Variants in TRIM33 observed in about 807,000 individuals in gnomAD.
The protein encoded by TRIM33 is tripartite motif containing 33.
In TRIM33, 20 loss-of-function variants were observed where a neutral mutation model predicts 125.4. The ratio of observed to expected loss-of-function variants is 0.16; its 90% confidence interval spans 0.11 to 0.23. The LOEUF is 0.23. TRIM33 is among the 10% of genes least tolerant of loss of function. The pLI is 1.00. For synonymous variants in TRIM33, 564 were observed against 513.9 expected (o/e 1.10, Z -1.32); for missense variants, 920 against 1,411.4 (o/e 0.65, Z 5.58).
At chr1:114,494,236 C>T (rs910529716) in intron 1 of TRIM33, among the ~76,000 whole-genome samples, 1 of 152,060 alleles carries the variant, frequency 6.6e-6, no homozygotes, top group Non-Finnish European at 1.5e-5. Context: ...GCTGGGATTA[C>T]AGGTATGAAC....
At chr1:114,496,155 C>T (rs1352121513) in intron 1 of TRIM33, among the ~76,000 whole-genome samples, 6 of 152,226 alleles carry the variant, frequency 3.9e-5, no homozygotes, top group East Asian at 1.9e-4. Context: ...ATCTGCCCTA[C>T]GGCAGACAAA....
At chr1:114,503,634 A>G (rs1570684687) in intron 1 of TRIM33, among the ~76,000 whole-genome samples, 1 of 152,344 alleles carries the variant, frequency 6.6e-6, no homozygotes, top group East Asian at 1.9e-4. Flanking sequence ...ACGTTCATTA[A>G]TATCACCACC....
chr1:114,461,133 G>C (rs1169452319), intron 4 of TRIM33, among the ~76,000 whole-genome samples: 1 of 151,150 alleles, frequency 6.6e-6, no homozygotes, highest in Non-Finnish European at 1.5e-5. Context: ...ACAGCCTCAG[G>C]CCAGGAGTTT....
chr1:114,463,621 A>G lies in TRIM33; in HGVS notation c.646-65T>C. 3.8e-6 allele frequency: 4 copies of G among 1,060,502 alleles called. No individual in the cohort carries two copies. In the South Asian group the frequency reaches 5.8e-5, roughly 15 times the overall value. 65.7% of individuals were successfully genotyped at this position (1,060,502 alleles called of 1,614,324 possible). On this transcript the variant is annotated intron_variant, in intron 2 of 19. Coordinates refer to ENST00000358465, the MANE Select transcript of TRIM33 (RefSeq NM_015906.4). ...AAAATCTAGATCTAAAAAAAAAAAA[A>G]AACTTGTTCTTCAATATACTATTTC...
At chr1:114,465,506 A>G (rs1650235094) in intron 1 of TRIM33, among the ~76,000 whole-genome samples, 1 of 152,210 alleles carries the variant, frequency 6.6e-6, no homozygotes, top group African/African-American at 2.4e-5. Flanking sequence ...GAAAACATAA[A>G]TAAAACTTAT....
chr1:114,414,240 C>T (rs567683548), intron 11 of TRIM33, among the ~76,000 whole-genome samples: 1 of 151,966 alleles, frequency 6.6e-6, no homozygotes, highest in African/African-American at 2.4e-5. Context: ...CTCATAAAAG[C>T]CTTTAAAAAG....
chr1:114,413,394 A>C (rs1557849018), intron 11 of TRIM33, among the ~76,000 whole-genome samples: 1 of 151,934 alleles, frequency 6.6e-6, no homozygotes, highest in South Asian at 2.1e-4. Context: ...CCCCGTCTCT[A>C]TTAAAAATAC....
At chr1:114,429,907 G>A (rs1218464092) in intron 6 of TRIM33, among the ~76,000 whole-genome samples, 1 of 152,016 alleles carries the variant, frequency 6.6e-6, no homozygotes, top group East Asian at 1.9e-4. Context: ...CGGCAGTGGA[G>A]ACTTTGATTA....
intron 4 of TRIM33, among the ~76,000 whole-genome samples, chr1:114,439,549 A>C (rs932685391): frequency 6.7e-6 from 1 of 150,220 alleles, no homozygotes; most frequent in Non-Finnish European, 1.5e-5. Context: ...AAAAAAAAAC[A>C]GTGAGCAGTG....
intron 1 of TRIM33, among the ~76,000 whole-genome samples, chr1:114,505,695 G>C (rs1277830268): frequency 6.6e-6 from 1 of 152,094 alleles, no homozygotes; most frequent in Non-Finnish European, 1.5e-5. Flanking sequence ...GGCCTCCCGA[G>C]TAGCTGGGAT....
At chr1:114,436,637 G>C (rs1648326790) in intron 4 of TRIM33, among the ~76,000 whole-genome samples, 1 of 151,862 alleles carries the variant, frequency 6.6e-6, no homozygotes, top group Admixed American at 6.6e-5. Context: ...GCTAATTTTT[G>C]TATGTTTAGT....
intron 1 of TRIM33, among the ~76,000 whole-genome samples, chr1:114,492,707 T>C (rs1652144113): frequency 6.6e-6 from 1 of 152,214 alleles, no homozygotes. Flanking sequence ...TTATTTCACT[T>C]ATGTTTGCAA....
At chr1:114,487,899 G>A (rs1267346331) in intron 1 of TRIM33, among the ~76,000 whole-genome samples, 132 of 82,492 alleles carry the variant, frequency 1.6e-3, no homozygotes, top group Admixed American at 2.7e-3. Context: ...GCGAGACTCC[G>A]TCTCAAAAAA....
At chr1:114,450,796 G>T (rs1409799606) in intron 4 of TRIM33, among the ~76,000 whole-genome samples, 1 of 152,128 alleles carries the variant, frequency 6.6e-6, no homozygotes, top group Non-Finnish European at 1.5e-5. Context: ...TATACACCTT[G>T]ATATGGGTCT....
In TRIM33 at chr1:114,396,012, T is replaced by A. The variant is rs1386435744; in HGVS notation, c.*1636A>T. 1.5e-5 allele frequency: 3 copies of A among 196,244 alleles called. No individual in the cohort carries two copies. Among genetic ancestry groups the A allele is most frequent in the Non-Finnish European group, 3.2e-5 (3 of 94,530 alleles). The allele number at this position is 196,244 out of a possible 1,614,324, so 12.2% of individuals were successfully genotyped here. A position where few individuals can be genotyped will look rare whatever the true frequency, so the allele number is the denominator to read the frequency against. Reference sequence around the variant, plus strand: ...ACGTGAAATAATTTTCTGAGTAGTCTACTCTCTGAACTGCTTAAATGAATT... The same window carrying A: ...ACGTGAAATAATTTTCTGAGTAGTCAACTCTCTGAACTGCTTAAATGAATT... On this transcript the variant is annotated 3_prime_UTR_variant, in exon 20 of 20. Transcript: ENST00000358465.
intron 9 of TRIM33, 85 bp from the exon 10 acceptor site, chr1:114,424,840 A>G: frequency 9.9e-7 from 1 of 1,009,274 alleles, no homozygotes; most frequent in Non-Finnish European, 1.3e-6. Flanking sequence ...AAAATAATTC[A>G]GTCAAGATAA....
At chr1:114,462,911 G>A (rs1650080224) in intron 4 of TRIM33, among the ~76,000 whole-genome samples, 193 bp downstream of exon 4, 1 of 151,954 alleles carries the variant, frequency 6.6e-6, no homozygotes, top group Admixed American at 6.6e-5. Flanking sequence ...ACATTCATAA[G>A]ACAATTAGAT....
In TRIM33 at chr1:114,393,826, A is replaced by C. The variant is rs1036103935; in HGVS notation, c.*3822T>G. 1 of 209,674 alleles carries C rather than the reference A, an allele frequency of 4.8e-6. No homozygotes were observed. Among genetic ancestry groups the C allele is most frequent in the Non-Finnish European group, 9.7e-6 (1 of 102,844 alleles). 13.0% of individuals were successfully genotyped at this position (209,674 alleles called of 1,614,324 possible). A position where few individuals can be genotyped will look rare whatever the true frequency, so the allele number is the denominator to read the frequency against. On this transcript the variant is annotated 3_prime_UTR_variant, in exon 20 of 20. Coordinates refer to ENST00000358465, the MANE Select transcript of TRIM33 (RefSeq NM_015906.4). ...CCCAATTTTTAAAATAAAATGCCAC[A>C]ATATAGTGTCATTACTTCCAGCATA...
Position 114,399,460 on chromosome 1 carries a change from A to T in TRIM33, c.3117T>A (p.Asn1039Lys). ...TATAGGTTGGAAGTTAACATACTTC[A>T]TTAAACCTTTCACAGTTCTTGAAGA... ...RLIFKNCERF[N>K]EMMKVVQVYA... The change falls in exon 18 of 20, where the codon AAT (asparagine) becomes AAA (lysine). Residue 1039 changes from asparagine to lysine, a missense_variant. Asn to Lys is a moderately conservative substitution (Grantham distance 94). Coordinates refer to ENST00000358465, the MANE Select transcript of TRIM33 (RefSeq NM_015906.4). 1 of 1,613,618 alleles carries T rather than the reference A, an allele frequency of 6.2e-7. No individual in the cohort carries two copies. Among genetic ancestry groups the T allele is most frequent in the Non-Finnish European group, 8.5e-7 (1 of 1,179,714 alleles).
Sources: allele counts gnomAD v4.1 joint callset (sites outside exome capture counted in the v4.1 genomes callset), GRCh38; gene constraint gnomAD v4.1.1; transcripts MANE v1.5; gene names NCBI Gene and HGNC (gene_info 2026-07-23, HGNC 2026-07-21).